Variants in VPS53 observed in about 807,000 individuals in gnomAD.
VPS53 encodes the protein vacuolar protein sorting-associated protein 53 homolog.
A neutral mutation model predicts 107.0 loss-of-function variants in VPS53; 70 were observed. The ratio of observed to expected loss-of-function variants is 0.65; its 90% CI spans 0.54 to 0.80. The LOEUF is 0.80. VPS53 is among the 30% of genes least tolerant of loss of function. The probability of loss-of-function intolerance (pLI) is 0.00; values close to 1 mark genes in which losing one functional copy is unlikely to be tolerated. For missense variants in VPS53, 917 were observed against 1,049.4 expected (o/e 0.87, Z 1.74); for synonymous variants, 409 against 393.3 (o/e 1.04, Z -0.47).
At chr17:535,203 G>A (rs967017857) in intron 18 of VPS53, among the ~76,000 whole-genome samples, 3 of 152,172 alleles carry the variant, frequency 2.0e-5, no homozygotes, top group African/African-American at 7.2e-5. Context: ...TAGATCCCAG[G>A]CTGAATGATT....
In VPS53 at chr17:513,374, C is replaced by T. The variant is rs746133949; in HGVS notation, c.*5754G>A. ...TATATCTCCCAAAGGTGTAGAACTT[C>T]GAGGGTCCAAGAGGCTATTCTGATG... On this transcript the variant is annotated 3_prime_UTR_variant, in exon 22 of 22. Coordinates refer to ENST00000437048, the MANE Select transcript of VPS53 (RefSeq NM_001128159.3). 1 of 151,508 alleles carries T rather than the reference C, an allele frequency of 6.6e-6. No homozygotes were observed. Among genetic ancestry groups the T allele is most frequent in the Non-Finnish European group, 1.5e-5 (1 of 67,816 alleles). The allele number at this position is 151,508 out of a possible 1,614,324, so 9.4% of individuals were successfully genotyped here. A position where few individuals can be genotyped will look rare whatever the true frequency, so the allele number is the denominator to read the frequency against.
chr17:614,667 C>T (rs16953962), intron 11 of VPS53, among the ~76,000 whole-genome samples: 4,149 of 152,278 alleles, frequency 0.027, 71 homozygotes, highest in East Asian at 0.069. Context: ...CAGTCTCCCT[C>T]ATGCAGGTGC....
intron 7 of VPS53, among the ~76,000 whole-genome samples, chr17:647,687 G>A (rs569140710): frequency 2.6e-5 from 4 of 152,280 alleles, no homozygotes; most frequent in Non-Finnish European, 5.9e-5. Context: ...GAAGGATGAG[G>A]GAAAGGGTGG....
chr17:580,557 G>T (rs990705635), intron 13 of VPS53, among the ~76,000 whole-genome samples: 11 of 117,510 alleles, frequency 9.4e-5, no homozygotes, highest in Admixed American at 9.1e-4. Flanking sequence ...CAGAACCTCA[G>T]TGCATTGCCA....
At chr17:637,348 T>A (rs1315244937) in intron 7 of VPS53, among the ~76,000 whole-genome samples, 2 of 152,218 alleles carry the variant, frequency 1.3e-5, no homozygotes, top group East Asian at 3.8e-4. Context: ...ATCAATTTTG[T>A]TGATCCTTTC....
chr17:657,552 G>C (rs1459083263), intron 5 of VPS53: 1 of 1,101,830 alleles, frequency 9.1e-7, no homozygotes, highest in Admixed American at 1.8e-5. Context: ...AGCCATGGCT[G>C]CATTAGGCAA....
In VPS53 at chr17:696,791, CTTTTTTT is replaced by C. The variant is rs67948585; in HGVS notation, c.285+620_285+626del. 5.9e-3 allele frequency among the ~76,000 whole-genome samples: 672 copies of C among 113,784 alleles called. 5 individuals are homozygous for C. Among genetic ancestry groups the C allele is most frequent in the African/African-American group, 0.022 (642 of 28,948 alleles). The allele number at this position is 113,784 out of a possible 152,430, so 74.6% of individuals were successfully genotyped here. A position where few individuals can be genotyped will look rare whatever the true frequency, so the allele number is the denominator to read the frequency against. On this transcript the variant is annotated intron_variant, in intron 4 of 21. Transcript: ENST00000437048. ...ACTAGATCCAATAAGACTTATAAAACTTTTTTTTTTTTTTTTTTTTGAGACAGTCTCA... is the reference window on the plus strand; with the variant it reads ...ACTAGATCCAATAAGACTTATAAAACTTTTTTTTTTTTTGAGACAGTCTCA...
intron 12 of VPS53, among the ~76,000 whole-genome samples, chr17:596,134 G>GT (rs934185286): frequency 6.6e-6 from 1 of 152,224 alleles, no homozygotes; most frequent in African/African-American, 2.4e-5. Flanking sequence ...AAAATATAAA[G>GT]TTTTTTAAAA....
intron 4 of VPS53, among the ~76,000 whole-genome samples, chr17:694,793 G>A (rs530245939): frequency 6.6e-6 from 1 of 152,252 alleles, no homozygotes; most frequent in East Asian, 1.9e-4. Context: ...TTGGGGATGG[G>A]GTCTCGCTCT....
At chr17:552,871 T>C (rs1286356125) in intron 16 of VPS53, 5 of 426,168 alleles carry the variant, frequency 1.2e-5, no homozygotes, top group East Asian at 3.7e-5. Flanking sequence ...TGAGGCACGC[T>C]GCTGTGTAGT....
intron 17 of VPS53, chr17:537,497 C>CT: frequency 4.4e-6 from 1 of 225,830 alleles, no homozygotes; most frequent in African/African-American, 2.3e-5. Flanking sequence ...TGCCGAGTGC[C>CT]CCACAGCAGG....
In VPS53 at chr17:711,789, G is replaced by C. The variant is rs187234748; in HGVS notation, c.88-1176C>G. Among the ~76,000 whole-genome samples, 636 of 151,332 alleles carry C rather than the reference G, an allele frequency of 4.2e-3. 4 individuals carry two copies. Among genetic ancestry groups the C allele is most frequent in the African/African-American group, 0.011 (445 of 41,302 alleles). ...AAAACTAACAGCCCTAGACTTATCA[G>C]AGATGCATACGTGGTACTTCATGGG... On this transcript the variant is annotated intron_variant, in intron 1 of 21. Transcript: ENST00000437048.
At chr17:569,084 CT>C (rs1255956547) in intron 13 of VPS53, among the ~76,000 whole-genome samples, 1 of 152,110 alleles carries the variant, frequency 6.6e-6, no homozygotes, top group Non-Finnish European at 1.5e-5. Context: ...GACTCCAGGG[CT>C]GGGATACAAA....
chr17:591,340 T>C (rs1024646236), intron 12 of VPS53, among the ~76,000 whole-genome samples: 15 of 152,004 alleles, frequency 9.9e-5, no homozygotes, highest in Admixed American at 2.0e-4. Context: ...CTCCTGGATT[T>C]GTTAATTTTT....
At chr17:567,396 T>C (rs752795293) in intron 13 of VPS53, among the ~76,000 whole-genome samples, 9 of 152,122 alleles carry the variant, frequency 5.9e-5, no homozygotes, top group Admixed American at 1.3e-4. Flanking sequence ...CATGAGACAT[T>C]AGAAAATCAG....
intron 13 of VPS53, among the ~76,000 whole-genome samples, chr17:572,187 G>C (rs1259559277): frequency 6.9e-6 from 1 of 145,700 alleles, no homozygotes; most frequent in African/African-American, 2.6e-5. Context: ...GAGCGCCTTT[G>C]CCCCGCCGCC....
chr17:634,023 G>A (rs1330550720), intron 7 of VPS53, among the ~76,000 whole-genome samples: 1 of 152,150 alleles, frequency 6.6e-6, no homozygotes, highest in East Asian at 1.9e-4. Context: ...GTTAGAAGAG[G>A]AAGGAGTTCT....
chr17:675,341 G>A (rs776724675), intron 4 of VPS53: 5 of 152,170 alleles, frequency 3.3e-5, no homozygotes, highest in Admixed American at 1.3e-4. Context: ...GCTGTCTGTC[G>A]CGACCGTTCC....
At chr17:533,024 G>C in intron 18 of VPS53, 113 bp from the exon 19 acceptor site, 3 of 1,474,606 alleles carry the variant, frequency 2.0e-6, no homozygotes, top group Middle Eastern at 2.0e-4. Context: ...ATGAAGAATC[G>C]AAGTGGACTC....
Sources: allele counts gnomAD v4.1 joint callset (sites outside exome capture counted in the v4.1 genomes callset), GRCh38; gene constraint gnomAD v4.1.1; transcripts MANE v1.5; gene names NCBI Gene and HGNC (gene_info 2026-07-23, HGNC 2026-07-21).